SMC4: variants seen among roughly 807,000 people sequenced by gnomAD.
SMC4 encodes structural maintenance of chromosomes protein 4.
Under a neutral mutation model 145.6 loss-of-function variants are expected in SMC4, and 87 were observed. The observed-to-expected ratio is 0.60, with a 90% confidence interval of 0.50 to 0.71. The LOEUF (loss-of-function observed/expected upper bound fraction) is 0.71. Among genes scored for constraint, SMC4 ranks in the 30% least tolerant of loss-of-function variants. The pLI, the probability that SMC4 is intolerant of heterozygous loss-of-function variation, is 0.00. For missense variants in SMC4, 1,447 were observed against 1,537.1 expected (o/e 0.94, Z 0.98); for synonymous variants, 558 against 500.7 (o/e 1.11, Z -1.53).
chr3:160,400,846 A>G lies in SMC4; in HGVS notation c.20A>G (p.Gln7Arg), dbSNP rs747566736. 2.1e-5 allele frequency: 33 copies of G among 1,538,108 alleles called. No individual in the cohort carries two copies. Among genetic ancestry groups the G allele is most frequent in the Non-Finnish European group, 1.4e-5 (16 of 1,152,248 alleles). Residue 7 changes from glutamine (Q) to arginine (R), a missense_variant, in exon 2 of 24, where the codon CAG (glutamine) becomes CGG (arginine). By Grantham distance (43) the Gln-to-Arg change is conservative (BLOSUM62 1). Transcript: ENST00000357388. Reference protein sequence around the residue: MPRKGTQPSTARRREEG... With the variant: MPRKGTRPSTARRREEG... The stretch of plus-strand genomic sequence containing the variant: ...GCGACCATGCCCCGTAAAGGCACCC[A>G]GCCCTCCACTGCCCGGCGCAGAGAG...
rs773771940 is a variant in SMC4, at chr3:160,420,709, ACT to A, written c.1858-28_1858-27del. ...AAATGGTCCTGTGCTTTTCTGCCTA[ACT>A]CTTTTTTCACCCCACTCTTCATTAT... is the stretch of plus-strand genomic sequence containing the variant. On this transcript the variant is annotated intron_variant, in intron 12 of 23. Transcript: ENST00000357388. 3.4e-5 allele frequency: 55 copies of A among 1,602,160 alleles called. No homozygotes were observed. The South Asian group carries it at 5.8e-4, about 17-fold the overall frequency.
chr3:160,427,296 A>G (rs976879638), intron 17 of SMC4, among the ~76,000 whole-genome samples: 2 of 152,196 alleles, frequency 1.3e-5, no homozygotes, highest in African/African-American at 4.8e-5. Context: ...TAACCCATGT[A>G]TGTTTGAGAA....
rs1254825878 is a variant in SMC4, at chr3:160,408,888, TCTTA to T, written c.688-3031_688-3028del. On this transcript the variant is annotated intron_variant, in intron 5 of 23. Transcript: ENST00000357388. The stretch of plus-strand genomic sequence containing the variant: ...GGTTGTCATTGTAATACCACAGTAG[TCTTA>T]ATAGTCAAAGGACAAGTAAAGGCCT... Among the ~76,000 whole-genome samples, 8 of 152,112 alleles carry T rather than the reference TCTTA, an allele frequency of 5.3e-5. 1 individual carries two copies. Among genetic ancestry groups the T allele is most frequent in the African/African-American group, 1.9e-4 (8 of 41,434 alleles).
In SMC4 at chr3:160,430,589, G is replaced by A. The variant is rs1718294482; in HGVS notation, c.2796-10G>A. 2 of 1,548,438 alleles carry A rather than the reference G, an allele frequency of 1.3e-6. No homozygotes were observed. The highest frequency in any genetic ancestry group is 8.7e-7 in the Non-Finnish European group (1 of 1,150,464). On this transcript the variant is annotated splice_polypyrimidine_tract_variant and intron_variant, in intron 18 of 23. Coordinates refer to ENST00000357388, the MANE Select transcript of SMC4 (RefSeq NM_001002800.3). ...TACCACATTTTTGATGCATCATTTT[G>A]CTTCTTTAGAAACCTTCAAAAGGCA...
intron 10 of SMC4, 85 bp downstream of exon 10, chr3:160,416,500 C>A: frequency 2.4e-6 from 2 of 849,894 alleles, no homozygotes; most frequent in South Asian, 2.7e-5. Context: ...ATACTGAAAC[C>A]TGAACTGGTA....
At chr3:160,400,558 A>G (rs996923083) in intron 1 of SMC4, 2 of 420,696 alleles carry the variant, frequency 4.8e-6, no homozygotes, top group African/African-American at 4.2e-5. Context: ...AAAAACAACA[A>G]CAACAAACTA....
At position 160,399,676 on chromosome 3, in the gene SMC4, A is replaced by C. The variant is rs1288472278; in HGVS notation, c.-79A>C. The C allele has an allele frequency of 1.3e-5, 2 of 152,662 alleles. No individual in the cohort carries two copies. Among genetic ancestry groups the C allele is most frequent in the African/African-American group, 4.8e-5 (2 of 41,444 alleles). The allele number at this position is 152,662 out of a possible 1,614,324, so 9.5% of individuals were successfully genotyped here. On this transcript the variant is annotated 5_prime_UTR_variant, in exon 1 of 24. Transcript: ENST00000357388. The stretch of plus-strand genomic sequence containing the variant: ...TTTTCGAGTGAAGGACCCGGAGCCG[A>C]AACACCGGTAGGAGCGGGGAGGTGG...
At chr3:160,399,770 G>C (rs1714255297) in intron 1 of SMC4, 21 bp downstream of exon 1, 1 of 152,448 alleles carries the variant, frequency 6.6e-6, no homozygotes, top group Non-Finnish European at 1.5e-5. Flanking sequence ...TCTCTTCCTG[G>C]TCAGGTTGTC....
chr3:160,413,453 T>C lies in SMC4; in HGVS notation c.981-20T>C, dbSNP rs770479575. On this transcript the variant is annotated intron_variant, in intron 7 of 23. Transcript: ENST00000357388. ...CATTTTAGGAGCTTCAATTTCTTTTTTTTTTTTTCCTCCCTATAGTTATGA... is the reference window on the plus strand; with the variant it reads ...CATTTTAGGAGCTTCAATTTCTTTTCTTTTTTTTCCTCCCTATAGTTATGA... The C allele has an allele frequency of 2.5e-6, 4 of 1,569,504 alleles. No individual in the cohort carries two copies.
At chr3:160,401,781 C>A in intron 2 of SMC4, 134 bp from the exon 3 acceptor site, 1 of 673,190 alleles carries the variant, frequency 1.5e-6, no homozygotes, top group Non-Finnish European at 2.5e-6. Context: ...ATATAGACTC[C>A]TAAGTTTCAT....
At chr3:160,433,276 ATTCT>A in intron 23 of SMC4, 67 bp downstream of exon 23, 3 of 1,102,514 alleles carry the variant, frequency 2.7e-6, no homozygotes, top group Non-Finnish European at 4.0e-6. Context: ...TACACATGGA[ATTCT>A]TTATTTCTTA....
At position 160,421,773 on chromosome 3, in the gene SMC4, T is replaced by C. The variant is rs553665019; in HGVS notation, c.2019+872T>C. Among the ~76,000 whole-genome samples the C allele has an allele frequency of 1.1e-4, 17 of 152,230 alleles. No homozygotes were observed. The South Asian group carries it at 3.3e-3, about 30-fold the overall frequency. On this transcript the variant is annotated intron_variant, in intron 13 of 23. Coordinates refer to ENST00000357388, the MANE Select transcript of SMC4 (RefSeq NM_001002800.3). The stretch of plus-strand genomic sequence containing the variant: ...AACAAAACAATCATTTTAAAGTATG[T>C]AATTTGGTGGGTATTAGTATATTCA...
At chr3:160,401,106 A>C in intron 2 of SMC4, 141 bp downstream of exon 2, 1 of 1,179,356 alleles carries the variant, frequency 8.5e-7, no homozygotes, top group Admixed American at 4.2e-5. Flanking sequence ...GGCTCAGGAA[A>C]GCCATTTGGC....
chr3:160,432,339 C>G lies in SMC4; in HGVS notation c.3354C>G (p.Asp1118Glu). ...TGGACAAAATTACTTATGAAAGAGA[C>G]AGTTTTAGACAGGCATATGAAGATC... ...AELDKITYER[D>E]SFRQAYEDLR... The change falls in exon 22 of 24, where the codon GAC (aspartate) becomes GAG (glutamate). Residue 1118 changes from aspartate to glutamate, a missense_variant. Transcript: ENST00000357388. The G allele has an allele frequency of 1.2e-6, 2 of 1,613,026 alleles. No individual in the cohort carries two copies. Among genetic ancestry groups the G allele is most frequent in the South Asian group, 2.2e-5 (2 of 90,712 alleles).
At chr3:160,430,938 C>A in intron 19 of SMC4, 94 bp from the exon 20 acceptor site, 2 of 1,304,458 alleles carry the variant, frequency 1.5e-6, no homozygotes, top group Non-Finnish European at 2.1e-6. Flanking sequence ...ATGGAAGGGG[C>A]ATGAGGAGAG....
At chr3:160,417,505 C>T in intron 10 of SMC4, 1 of 533,604 alleles carries the variant, frequency 1.9e-6, no homozygotes, top group South Asian at 2.3e-5. Context: ...ATCGATCTCA[C>T]AAAGCTCTTG....
At chr3:160,421,539 T>TTTGAGACC (rs879493360) in intron 13 of SMC4, among the ~76,000 whole-genome samples, 2 of 151,534 alleles carry the variant, frequency 1.3e-5, no homozygotes, top group African/African-American at 2.4e-5. Flanking sequence ...AGGTCAGGAG[T>TTTGAGACC]TTGAGACCAG....
intron 22 of SMC4, 169 bp downstream of exon 22, chr3:160,432,684 A>G: frequency 1.8e-6 from 1 of 548,800 alleles, no homozygotes; most frequent in Non-Finnish European, 3.2e-6. Context: ...TTACAGGGGC[A>G]GACAGCCAGT....
intron 5 of SMC4, among the ~76,000 whole-genome samples, chr3:160,410,119 A>G (rs1216820970): frequency 6.6e-6 from 1 of 152,132 alleles, no homozygotes; most frequent in African/African-American, 2.4e-5. Context: ...CAGCCTCTAG[A>G]TCAGTAGTTC....
Sources: allele counts gnomAD v4.1 joint callset (sites outside exome capture counted in the v4.1 genomes callset), GRCh38; gene constraint gnomAD v4.1.1; transcripts MANE v1.5; gene names NCBI Gene and HGNC (gene_info 2026-07-23, HGNC 2026-07-21).